SLC26A7: variants seen among roughly 807,000 people sequenced by gnomAD.
The protein encoded by SLC26A7 is anion exchange transporter.
A neutral mutation model predicts 82.5 loss-of-function variants in SLC26A7; 59 were observed. That is an observed-to-expected ratio of 0.72 (90% CI 0.58 to 0.89). The LOEUF is 0.89. Ranked by LOEUF, SLC26A7 falls within the 40% of genes least tolerant of loss-of-function variation. The pLI, the probability that SLC26A7 is intolerant of heterozygous loss-of-function variation, is 0.00. For missense variants in SLC26A7, 820 were observed against 793.0 expected (o/e 1.03, Z -0.41); for synonymous variants, 271 against 274.3 (o/e 0.99, Z 0.12).
chr8:91,282,871 C>G (rs554391116), intron 2 of SLC26A7, among the ~76,000 whole-genome samples: 4 of 152,166 alleles, frequency 2.6e-5, no homozygotes, highest in Non-Finnish European at 1.5e-5. Context: ...CACATTTCTT[C>G]TACCTAAATT....
At chr8:91,211,595 A>AATATAT (rs144378729) in intron 1 of SLC26A7, among the ~76,000 whole-genome samples, 124 of 140,428 alleles carry the variant, frequency 8.8e-4, no homozygotes, top group African/African-American at 1.5e-3. Flanking sequence ...CAATTATACA[A>AATATAT]ATATATATAT....
chr8:91,232,099 A>G (rs1810317910), intron 2 of SLC26A7, among the ~76,000 whole-genome samples: 1 of 152,230 alleles, frequency 6.6e-6, no homozygotes, highest in African/African-American at 2.4e-5. Context: ...AAACAAAATG[A>G]ATCTGAAATT....
chr8:91,267,529 T>C (rs546956591), intron 2 of SLC26A7, among the ~76,000 whole-genome samples: 4 of 151,914 alleles, frequency 2.6e-5, no homozygotes, highest in South Asian at 4.1e-4. Context: ...TCTTCCAGAT[T>C]TCCCAATTCA....
At chr8:91,219,374 C>A (rs183434562) in intron 2 of SLC26A7, 1 of 157,544 alleles carries the variant, frequency 6.3e-6, no homozygotes, top group East Asian at 1.8e-4. Context: ...AAAGGAATCA[C>A]TGTTTTGTGC....
At chr8:91,274,548 G>A (rs1263243008) in intron 2 of SLC26A7, among the ~76,000 whole-genome samples, 1 of 152,224 alleles carries the variant, frequency 6.6e-6, no homozygotes, top group African/African-American at 2.4e-5. Flanking sequence ...GTGCAAGAGA[G>A]GGTGACCTCA....
upstream of SLC26A7, among the ~76,000 whole-genome samples, chr8:91,247,172 G>A (rs991808669): frequency 4.6e-5 from 7 of 152,116 alleles, no homozygotes; most frequent in Non-Finnish European, 8.8e-5. Flanking sequence ...ATCAAAATGA[G>A]ATTTTACAAA....
intron 2 of SLC26A7, among the ~76,000 whole-genome samples, chr8:91,242,884 T>G (rs1810492925): frequency 6.6e-6 from 1 of 152,198 alleles, no homozygotes; most frequent in South Asian, 2.1e-4. Flanking sequence ...CTATCAGTAT[T>G]GATAATAACA....
At chr8:91,377,633 C>T (rs1586470844) in intron 15 of SLC26A7, among the ~76,000 whole-genome samples, 1 of 152,160 alleles carries the variant, frequency 6.6e-6, no homozygotes, top group East Asian at 1.9e-4. Context: ...TTCTTTGACC[C>T]TGAGAAGTTC....
chr8:91,318,552 A>G (rs1043874208), intron 5 of SLC26A7, among the ~76,000 whole-genome samples, 172 bp downstream of exon 5: 1 of 152,154 alleles, frequency 6.6e-6, no homozygotes, highest in Admixed American at 6.5e-5. Flanking sequence ...TTTAGTGAGT[A>G]ATTTCTACTA....
chr8:91,293,899 A>G (rs1811944600), intron 3 of SLC26A7, among the ~76,000 whole-genome samples: 1 of 152,164 alleles, frequency 6.6e-6, no homozygotes, highest in African/African-American at 2.4e-5. Context: ...AATATGTCCT[A>G]TCAAGACCAG....
chr8:91,241,699 A>G (rs951566858), intron 2 of SLC26A7, among the ~76,000 whole-genome samples: 1 of 152,138 alleles, frequency 6.6e-6, no homozygotes, highest in South Asian at 2.1e-4. Context: ...TATGGACACA[A>G]TAATTGTCTT....
At chr8:91,326,835 C>A (rs1280048151) in intron 5 of SLC26A7, among the ~76,000 whole-genome samples, 1 of 152,140 alleles carries the variant, frequency 6.6e-6, no homozygotes, top group East Asian at 1.9e-4. Context: ...AGGGGAGAAA[C>A]CATCCTTGCC....
At chr8:91,218,355 A>AAGAAGTAAG (rs60094350) in intron 1 of SLC26A7, among the ~76,000 whole-genome samples, 2 of 151,928 alleles carry the variant, frequency 1.3e-5, no homozygotes, top group African/African-American at 4.8e-5. Context: ...ATTTTGTACA[A>AAGAAGTAAG]ATTATTTTGA....
At chr8:91,386,307 A>C (rs1195387693) in intron 15 of SLC26A7, among the ~76,000 whole-genome samples, 1 of 152,190 alleles carries the variant, frequency 6.6e-6, no homozygotes, top group Admixed American at 6.5e-5. Context: ...AATAAGGCTT[A>C]AATATCTTAG....
chr8:91,238,693 C>G (rs2130682566), intron 2 of SLC26A7, among the ~76,000 whole-genome samples: 1 of 151,756 alleles, frequency 6.6e-6, no homozygotes, highest in South Asian at 2.1e-4. Flanking sequence ...TCCTACAATC[C>G]CGGTTATGTT....
chr8:91,306,805 G>A (rs1240243157), intron 4 of SLC26A7, among the ~76,000 whole-genome samples: 1 of 151,758 alleles, frequency 6.6e-6, no homozygotes, highest in Non-Finnish European at 1.5e-5. Flanking sequence ...GAACTCCAGG[G>A]CTCAAGTTAT....
intron 4 of SLC26A7, among the ~76,000 whole-genome samples, chr8:91,310,917 T>C (rs1433834926): frequency 1.3e-5 from 2 of 151,282 alleles, no homozygotes; most frequent in African/African-American, 4.9e-5. Flanking sequence ...GCACTTTACT[T>C]TTTTTTTTCC....
chr8:91,354,542 T>C (rs1468267856), intron 11 of SLC26A7, among the ~76,000 whole-genome samples: 1 of 152,122 alleles, frequency 6.6e-6, no homozygotes, highest in African/African-American at 2.4e-5. Context: ...GAAACATCAC[T>C]GAAAGGTGAA....
chr8:91,305,890 T>C (rs757689034), intron 4 of SLC26A7, among the ~76,000 whole-genome samples: 5 of 152,200 alleles, frequency 3.3e-5, no homozygotes, highest in Non-Finnish European at 7.3e-5. Flanking sequence ...ACACTTTAAA[T>C]GGCCATTCTA....
Sources: allele counts gnomAD v4.1 joint callset (sites outside exome capture counted in the v4.1 genomes callset), GRCh38; gene constraint gnomAD v4.1.1; transcripts MANE v1.5; gene names NCBI Gene and HGNC (gene_info 2026-07-23, HGNC 2026-07-21).